AKR1A1: variants seen among roughly 807,000 people sequenced by gnomAD.
The protein encoded by AKR1A1 is aldo-keto reductase family 1 member A1, also known as HEL-S-165mP.
AKR1A1 carries 26 observed loss-of-function variants against 39.2 expected under a neutral mutation model. The observed-to-expected ratio is 0.66, with a 90% CI of 0.49 to 0.92. AKR1A1 has a LOEUF of 0.92. Among genes scored for constraint, AKR1A1 ranks in the 40% least tolerant of loss-of-function variants. The pLI, the probability that AKR1A1 is intolerant of heterozygous loss-of-function variation, is 0.00. For missense variants in AKR1A1, 378 were observed against 406.5 expected (o/e 0.93, Z 0.60); for synonymous variants, 141 against 155.5 (o/e 0.91, Z 0.69).
intron 1 of AKR1A1, among the ~76,000 whole-genome samples, chr1:45,551,543 TG>T (rs1364852004): frequency 6.6e-6 from 1 of 152,154 alleles, no homozygotes; most frequent in Non-Finnish European, 1.5e-5. Context: ...TGGGGAGAAG[TG>T]GGGATAATTC....
rs1199514573 is a variant in AKR1A1 at position 45,560,026 on chromosome 1, C to T, written c.-6-1763C>T. On this transcript the variant is annotated intron_variant, in intron 1 of 8. Coordinates refer to ENST00000351829, the MANE Select transcript of AKR1A1 (RefSeq NM_153326.3). ...TTTTTGAGATGGAGTCTGGCTGTGT[C>T]GCCCAGGCTGGAGTGCAGTGGCGCA... 2.7e-5 allele frequency among the ~76,000 whole-genome samples: 4 copies of T among 149,852 alleles called. No individual in the cohort carries two copies. The East Asian group carries it at 5.9e-4, about 22-fold the overall frequency.
chr1:45,560,321 A>C (rs965047244), intron 1 of AKR1A1, among the ~76,000 whole-genome samples: 1 of 152,146 alleles, frequency 6.6e-6, no homozygotes, highest in African/African-American at 2.4e-5. Flanking sequence ...TCTCAACTAA[A>C]AAATTAAAGA....
At chr1:45,562,331 T>C (rs1644288116) in intron 2 of AKR1A1, among the ~76,000 whole-genome samples, 1 of 124,000 alleles carries the variant, frequency 8.1e-6, no homozygotes, top group Non-Finnish European at 1.7e-5. Context: ...GGTCAGCAAA[T>C]TTTTTTTTTT....
intron 5 of AKR1A1, 148 bp from the exon 6 acceptor site, chr1:45,568,337 G>T: frequency 8.1e-7 from 1 of 1,229,552 alleles, no homozygotes; most frequent in South Asian, 1.4e-5. Context: ...GGGAGAGAAT[G>T]AAATTGCCGA....
intron 1 of AKR1A1, among the ~76,000 whole-genome samples, chr1:45,553,598 T>C (rs2148288581): frequency 6.6e-6 from 1 of 152,316 alleles, no homozygotes. Flanking sequence ...ATTCTCTTTT[T>C]CTGTAGCTAT....
At chr1:45,561,529 G>A (rs1229935796) in intron 1 of AKR1A1, among the ~76,000 whole-genome samples, 4 of 151,976 alleles carry the variant, frequency 2.6e-5, no homozygotes, top group East Asian at 1.9e-4. Flanking sequence ...TCAGCCCCCC[G>A]AGCAGCTGGG....
At chr1:45,565,640 A>AT (rs35349030) in intron 2 of AKR1A1, among the ~76,000 whole-genome samples, 26,258 of 150,968 alleles carry the variant, frequency 0.17, 2,441 homozygotes, top group East Asian at 0.33. Flanking sequence ...TGCACAGCTA[A>AT]TTTTTGTATT....
chr1:45,569,454 C>T (rs115431970), intron 8 of AKR1A1, among the ~76,000 whole-genome samples: 1 of 152,124 alleles, frequency 6.6e-6, no homozygotes, highest in Admixed American at 6.6e-5. Context: ...TTCTTGATAT[C>T]TTGTAACCTA....
chr1:45,555,403 C>G (rs1644188555), intron 1 of AKR1A1, among the ~76,000 whole-genome samples: 1 of 152,102 alleles, frequency 6.6e-6, no homozygotes, highest in Non-Finnish European at 1.5e-5. Context: ...AGGAGAATCA[C>G]TTGAACCCAG....
intron 5 of AKR1A1, 141 bp from the exon 6 acceptor site, chr1:45,568,344 C>T: frequency 1.6e-6 from 2 of 1,237,692 alleles, no homozygotes; most frequent in Non-Finnish European, 2.3e-6. Flanking sequence ...AATGAAATTG[C>T]CGATGGGAAA....
intron 2 of AKR1A1, among the ~76,000 whole-genome samples, chr1:45,565,801 G>T (rs1404033945): frequency 3.3e-5 from 5 of 150,950 alleles, no homozygotes; most frequent in Admixed American, 2.0e-4. Flanking sequence ...TTTTAAAGAG[G>T]TGGGGGTCTC....
At chr1:45,562,981 C>T (rs1050262454) in intron 2 of AKR1A1, among the ~76,000 whole-genome samples, 4 of 151,932 alleles carry the variant, frequency 2.6e-5, no homozygotes, top group Admixed American at 1.3e-4. Context: ...AATTCGAATG[C>T]GCCTGTGGTC....
rs186817090 is a variant in AKR1A1 at position 45,555,214 on chromosome 1, G to A, written c.-7+4059G>A. Among the ~76,000 whole-genome samples the A allele has an allele frequency of 2.1e-3, 318 of 152,312 alleles. 1 individual carries two copies. Among genetic ancestry groups the A allele is most frequent in the Middle Eastern group, 6.8e-3 (2 of 294 alleles). On this transcript the variant is annotated intron_variant, in intron 1 of 8. Transcript: ENST00000351829. ...TAAAAAAATACAGTATAGGCCGGGC[G>A]TGGTAGCTCACGCCTGTAATCCCAG...
Position 45,568,646 on chromosome 1 carries a change from T to C in AKR1A1, c.714T>C (p.Ala238=), listed in dbSNP as rs751686016. 2 of 1,613,806 alleles carry C rather than the reference T, an allele frequency of 1.2e-6. No homozygotes were observed. The highest frequency in any genetic ancestry group is 2.2e-5 in the East Asian group (1 of 44,884). Residue 238 remains alanine (A), a synonymous_variant, in exon 6 of 9, where the codon GCT becomes GCC. Coordinates refer to ENST00000351829, the MANE Select transcript of AKR1A1 (RefSeq NM_153326.3). ...AGGAACCAGTAGTCCTGGCATTGGC[T>C]GAAAAGTATGGCCGATCTCCAGCTC... ...LLEEPVVLAL[A]EKYGRSPAQI...
chr1:45,569,550 T>C (rs1161456414), intron 8 of AKR1A1, among the ~76,000 whole-genome samples: 2 of 152,126 alleles, frequency 1.3e-5, no homozygotes, highest in Non-Finnish European at 1.5e-5. Context: ...TCTCAGTAAA[T>C]GATATGAGGA....
intron 2 of AKR1A1, 68 bp downstream of exon 2, chr1:45,561,946 C>T (rs1332868042): frequency 7.5e-6 from 11 of 1,463,086 alleles, no homozygotes; most frequent in Admixed American, 5.1e-5. Flanking sequence ...CAGCCCCACC[C>T]CCATACTCCC....
At chr1:45,565,070 C>T (rs898396324) in intron 2 of AKR1A1, among the ~76,000 whole-genome samples, 3 of 151,270 alleles carry the variant, frequency 2.0e-5, no homozygotes, top group Non-Finnish European at 4.4e-5. Flanking sequence ...GATCCACCCA[C>T]CTCAGCCTCC....
intron 2 of AKR1A1, among the ~76,000 whole-genome samples, chr1:45,563,720 C>T (rs1341917310): frequency 2.0e-5 from 3 of 152,138 alleles, no homozygotes; most frequent in Admixed American, 1.3e-4. Flanking sequence ...ATCCGGGAGG[C>T]GGAGGTTGCA....
intron 1 of AKR1A1, among the ~76,000 whole-genome samples, chr1:45,553,920 G>C (rs947601640): frequency 2.3e-4 from 35 of 151,870 alleles, no homozygotes; most frequent in Non-Finnish European, 3.2e-4. Flanking sequence ...GCATGAACCC[G>C]GGAGGCGGAG....
Sources: allele counts gnomAD v4.1 joint callset (sites outside exome capture counted in the v4.1 genomes callset), GRCh38; gene constraint gnomAD v4.1.1; transcripts MANE v1.5; gene names NCBI Gene and HGNC (gene_info 2026-07-23, HGNC 2026-07-21).